Variants in SLC26A5 observed in about 807,000 individuals in gnomAD.
The protein encoded by SLC26A5 is solute carrier family 26 member 5, also known as prestin.
Under a neutral mutation model 81.0 loss-of-function variants are expected in SLC26A5, and 51 were observed. That is an observed-to-expected ratio of 0.63 (90% CI 0.50 to 0.80). The LOEUF (loss-of-function observed/expected upper bound fraction) is 0.80, where lower values mean the gene tolerates loss of function less well. Ranked by LOEUF, SLC26A5 falls within the 30% of genes least tolerant of loss-of-function variation. The pLI, the probability that SLC26A5 is intolerant of heterozygous loss-of-function variation, is 0.00. For synonymous variants in SLC26A5, 325 were observed against 332.8 expected, an observed-to-expected ratio of 0.98 and a Z score of 0.25; for missense variants, 771 against 905.8, an observed-to-expected ratio of 0.85 and a Z score of 1.91.
intron 14 of SLC26A5, among the ~76,000 whole-genome samples, chr7:103,386,145 A>G (rs1248599025): frequency 6.6e-6 from 1 of 151,708 alleles, no homozygotes; most frequent in Non-Finnish European, 1.5e-5. Flanking sequence ...TGGTCAGGCT[A>G]GTCTTGAACA....
intron 2 of SLC26A5, among the ~76,000 whole-genome samples, chr7:103,422,733 T>G (rs1278076157): frequency 6.6e-6 from 1 of 152,196 alleles, no homozygotes; most frequent in East Asian, 1.9e-4. Context: ...TGTTACATGA[T>G]TGTACTTGTC....
chr7:103,418,585 A>C (rs1825102396), intron 4 of SLC26A5, among the ~76,000 whole-genome samples: 1 of 152,206 alleles, frequency 6.6e-6, no homozygotes, highest in Non-Finnish European at 1.5e-5. Context: ...TCTGTCCCAA[A>C]TCTGCTTTAA....
Position 103,362,241 on chromosome 7 carries a change from G to A in SLC26A5, c.2042-9315C>T, listed in dbSNP as rs74805423. ...ACTATAGTTGAAAATTCTGTCTTCT[G>A]CATCTGCTTCCTAACTTCCCATCGG... On this transcript the variant is annotated intron_variant, in intron 19 of 19. Transcript: ENST00000339444. 2.3e-3 allele frequency: 3,236 copies of A among 1,437,034 alleles called. 56 individuals are homozygous for A. In the African/African-American group the frequency reaches 0.043, roughly 19 times the overall value. 89.0% of individuals were successfully genotyped at this position (1,437,034 alleles called of 1,614,324 possible).
intron 19 of SLC26A5, among the ~76,000 whole-genome samples, chr7:103,353,503 C>T (rs1045820678): frequency 2.0e-5 from 3 of 152,090 alleles, no homozygotes; most frequent in Non-Finnish European, 4.4e-5. Flanking sequence ...GACGGGGTTT[C>T]GCCAGGTTGG....
intron 19 of SLC26A5, among the ~76,000 whole-genome samples, chr7:103,358,338 T>C (rs1820161347): frequency 6.6e-6 from 1 of 152,168 alleles, no homozygotes; most frequent in African/African-American, 2.4e-5. Context: ...TTTTCATCCA[T>C]TGTCCTGGGC....
At position 103,407,999 on chromosome 7, in the gene SLC26A5, G is replaced by A. The variant is rs1316372503; in HGVS notation, c.740C>T (p.Thr247Ile). The part of the protein sequence containing the change: ...YSGIFSVVYS[T>I]VAVLQNVKNL... ...TTTAACATTCTGCAACACAGCAACT[G>A]TACTCTGTAACACAGTGAATGCTGG... Residue 247 changes from threonine (T) to isoleucine (I), a missense_variant, in exon 8 of 20, where the codon ACA (threonine) becomes ATA (isoleucine). Physicochemically the swap from Thr to Ile is moderately conservative, Grantham distance 89. Coordinates refer to ENST00000306312, the MANE Select transcript of SLC26A5 (RefSeq NM_198999.3). The A allele has an allele frequency of 3.7e-6, 6 of 1,614,074 alleles. No homozygotes were observed. The highest frequency in any genetic ancestry group is 5.1e-6 in the Non-Finnish European group (6 of 1,180,002).
intron 19 of SLC26A5, chr7:103,353,984 T>G: frequency 6.6e-7 from 1 of 1,523,160 alleles, no homozygotes; most frequent in Non-Finnish European, 8.9e-7. Context: ...GTCTACAAAC[T>G]ATAGATGTTT....
intron 19 of SLC26A5, among the ~76,000 whole-genome samples, chr7:103,358,522 T>A (rs2116188282): frequency 6.6e-6 from 1 of 152,278 alleles, no homozygotes; most frequent in African/African-American, 2.4e-5. Flanking sequence ...CTTTTTACTT[T>A]ACTTTCTATG....
At chr7:103,431,779 T>A (rs895206376) in intron 2 of SLC26A5, among the ~76,000 whole-genome samples, 4 of 152,248 alleles carry the variant, frequency 2.6e-5, no homozygotes, top group African/African-American at 9.6e-5. Flanking sequence ...TGACATTAAA[T>A]GCTAGTAGCA....
intron 4 of SLC26A5, among the ~76,000 whole-genome samples, chr7:103,417,253 C>A (rs1381605424): frequency 6.6e-6 from 1 of 151,638 alleles, no homozygotes; most frequent in African/African-American, 2.4e-5. Flanking sequence ...ACCTGTAGTC[C>A]CAGCTACTCA....
At chr7:103,364,205 C>A in intron 19 of SLC26A5, 1 of 1,614,134 alleles carries the variant, frequency 6.2e-7, no homozygotes, top group Non-Finnish European at 8.5e-7. Context: ...TTGGTCCACC[C>A]GGTACAGGCA....
chr7:103,364,130 G>A, intron 19 of SLC26A5: 1 of 1,610,120 alleles, frequency 6.2e-7, no homozygotes, highest in Non-Finnish European at 8.5e-7. Flanking sequence ...TGAAAATTGT[G>A]TCTCTATCAC....
chr7:103,364,354 C>G (rs780295964), intron 19 of SLC26A5: 1 of 1,598,346 alleles, frequency 6.3e-7, no homozygotes, highest in South Asian at 1.1e-5. Flanking sequence ...AAAGATTTTA[C>G]AGTATGAATG....
intron 7 of SLC26A5, 70 bp downstream of exon 7, chr7:103,410,313 AAG>A: frequency 7.6e-7 from 1 of 1,307,688 alleles, no homozygotes; most frequent in Non-Finnish European, 1.1e-6. Context: ...TGAAAGTAAA[AAG>A]AGATACAGAA....
chr7:103,407,950 G>A lies in SLC26A5; in HGVS notation c.789C>T (p.Gly263=), dbSNP rs1824186021. 3.1e-6 allele frequency: 5 copies of A among 1,614,080 alleles called. No homozygotes were observed. The highest frequency in any genetic ancestry group is 2.5e-6 in the Non-Finnish European group (3 of 1,180,020). The change falls in exon 8 of 20, where the codon GGC becomes GGT. Residue 263 remains glycine, a synonymous_variant. Transcript: ENST00000306312. ...NVKNLNVCSL[G]VGLMVFGLLL... ...GCAAACCAAAAACCATCAGCCCGAC[G>A]CCTAGGGAACACACGTTGAGGTTTT...
rs267601211 is a variant in SLC26A5, at chr7:103,377,677, C to T, written c.1908G>A (p.Gly636=). 6.2e-7 allele frequency: 1 copy of T among 1,613,978 alleles called. No homozygotes were observed. The highest frequency in any genetic ancestry group is 8.5e-7 in the Non-Finnish European group (1 of 1,179,978). Residue 636 remains glycine, a synonymous_variant, in exon 18 of 20, where the codon GGG becomes GGA. Coordinates refer to ENST00000306312, the MANE Select transcript of SLC26A5 (RefSeq NM_198999.3). The stretch of plus-strand genomic sequence containing the variant: ...CCAAAATGACAGTGTGGACGTTATC[C>T]CCTGGGGGCATAAATCTTTGCATTT... ...PEEMQRFMPP[G]DNVHTVILDF...
At chr7:103,377,470 G>A in intron 18 of SLC26A5, 129 bp downstream of exon 18, 1 of 857,152 alleles carries the variant, frequency 1.2e-6, no homozygotes, top group Non-Finnish European at 1.9e-6. Flanking sequence ...ATATATTTTT[G>A]AAATTTTCCA....
intron 3 of SLC26A5, 127 bp downstream of exon 3, chr7:103,421,236 C>A: frequency 9.2e-7 from 1 of 1,085,910 alleles, no homozygotes; most frequent in Non-Finnish European, 1.4e-6. Flanking sequence ...AACAGCTTTG[C>A]AAACCATGAT....
chr7:103,378,989 T>C lies in SLC26A5; in HGVS notation c.1677+254A>G, dbSNP rs375216243. On this transcript the variant is annotated intron_variant, in intron 16 of 19. Coordinates refer to ENST00000306312, the MANE Select transcript of SLC26A5 (RefSeq NM_198999.3). ...TTAAAATTTTGTTTGAAAAGTAATA[T>C]TATATATACGATAAGAGAGAATGAA... Among the ~76,000 whole-genome samples the C allele has an allele frequency of 1.6e-4, 25 of 152,274 alleles. 1 individual carries two copies. Among genetic ancestry groups the C allele is most frequent in the African/African-American group, 5.5e-4 (23 of 41,538 alleles).
Sources: gnomAD v4.1 joint callset for allele counts (sites outside exome capture counted in the v4.1 genomes callset) on GRCh38, gnomAD v4.1.1 for gene constraint, MANE v1.5 for transcripts, NCBI Gene and HGNC (gene_info 2026-07-23, HGNC 2026-07-21) for gene names.